The following DAB1 variants were observed in gnomAD, a reference collection of about 807,000 sequenced individuals.
The protein encoded by DAB1 is DAB adaptor protein 1.
In DAB1, 15 loss-of-function variants were observed where a neutral mutation model predicts 64.6. The ratio of observed to expected loss-of-function variants is 0.23; its 90% confidence interval spans 0.16 to 0.36. The LOEUF (loss-of-function observed/expected upper bound fraction) is 0.36, where lower values mean the gene tolerates loss of function less well. Among genes scored for constraint, DAB1 ranks in the 10% least tolerant of loss-of-function variants. The pLI is 1.00. For synonymous variants in DAB1, 235 were observed against 251.9 expected, an observed-to-expected ratio of 0.93 and a Z score of 0.64; for missense variants, 596 against 706.7, an observed-to-expected ratio of 0.84 and a Z score of 1.78.
intron 7 of DAB1, among the ~76,000 whole-genome samples, chr1:57,527,943 G>A (rs1030675139): frequency 2.6e-5 from 4 of 151,998 alleles, no homozygotes; most frequent in South Asian, 2.1e-4. Context: ...CTCATACAAC[G>A]AAAGATAATA....
chr1:57,788,645 G>C (rs927614), intron 6 of DAB1, among the ~76,000 whole-genome samples: 55,028 of 152,038 alleles, frequency 0.36, 10,263 homozygotes, highest in South Asian at 0.49. Context: ...ATGGACTCTA[G>C]AGTCAGGCAG....
At chr1:57,642,815 T>C (rs1646146249) in intron 7 of DAB1, among the ~76,000 whole-genome samples, 1 of 152,166 alleles carries the variant, frequency 6.6e-6, no homozygotes, top group East Asian at 1.9e-4. Context: ...CATTTTTTGT[T>C]CCATTTCATT....
At chr1:58,149,994 G>C (rs1654829808) in intron 5 of DAB1, among the ~76,000 whole-genome samples, 2 of 152,220 alleles carry the variant, frequency 1.3e-5, no homozygotes, top group Admixed American at 1.3e-4. Flanking sequence ...TACTCAAAAA[G>C]TAAGAGGGAG....
At chr1:57,841,752 T>C (rs1003281794) in intron 1 of DAB1, among the ~76,000 whole-genome samples, 1 of 152,160 alleles carries the variant, frequency 6.6e-6, no homozygotes, top group Non-Finnish European at 1.5e-5. Context: ...AAACCATTTT[T>C]CCCTCCTAGG....
chr1:58,003,534 G>T (rs1027668457), intron 5 of DAB1, among the ~76,000 whole-genome samples: 2 of 152,196 alleles, frequency 1.3e-5, no homozygotes, highest in African/African-American at 2.4e-5. Context: ...AACCCAGCTT[G>T]TTAGGACCCC....
intron 3 of DAB1, among the ~76,000 whole-genome samples, chr1:58,373,682 G>T (rs1438859178): frequency 6.6e-6 from 1 of 152,002 alleles, no homozygotes; most frequent in Non-Finnish European, 1.5e-5. Flanking sequence ...ATAGTCATTT[G>T]GGTATATACC....
chr1:58,334,644 A>G (rs1208712936), intron 4 of DAB1, among the ~76,000 whole-genome samples: 1 of 148,062 alleles, frequency 6.8e-6, no homozygotes, highest in East Asian at 2.0e-4. Flanking sequence ...ATCATATCAT[A>G]TCATATCATA....
intron 6 of DAB1, among the ~76,000 whole-genome samples, chr1:57,777,090 CTT>C (rs796627429): frequency 1.8e-5 from 2 of 111,644 alleles, no homozygotes; most frequent in African/African-American, 6.8e-5. Context: ...AGGTTGACAG[CTT>C]TTTTTTTTTT....
rs1005389732 is a variant in DAB1 at position 57,525,750 on chromosome 1, G to A, written n.625+123842C>T. On this transcript the variant is annotated intron_variant and non_coding_transcript_variant, in intron 7 of 20. Coordinates refer to the DAB1 transcript ENST00000485760. The stretch of plus-strand genomic sequence containing the variant: ...TTAACCACATTATTATTATATTATG[G>A]AACATAAAAATATACACCAGAAAGA... Among the ~76,000 whole-genome samples, 4 of 151,882 alleles carry A rather than the reference G, an allele frequency of 2.6e-5. No homozygotes were observed. In the South Asian group the frequency reaches 8.3e-4, roughly 32 times the overall value.
At chr1:57,755,222 T>A (rs61768389) in intron 6 of DAB1, among the ~76,000 whole-genome samples, 26,721 of 152,054 alleles carry the variant, frequency 0.18, 3,061 homozygotes, top group Admixed American at 0.29. Context: ...TGTCTAAAAA[T>A]CCCTGTTGGG....
At chr1:58,247,175 G>A (rs1660578124) in intron 4 of DAB1, among the ~76,000 whole-genome samples, 1 of 152,030 alleles carries the variant, frequency 6.6e-6, no homozygotes, top group Non-Finnish European at 1.5e-5. Context: ...GGAGGCTGGA[G>A]AGGAGAAGAT....
chr1:57,917,735 A>G (rs576620839), intron 5 of DAB1, among the ~76,000 whole-genome samples: 1 of 152,278 alleles, frequency 6.6e-6, no homozygotes, highest in African/African-American at 2.4e-5. Flanking sequence ...TAAAATGCTA[A>G]GTCAGGAGTT....
chr1:57,746,867 A>ATT (rs143589298), intron 6 of DAB1, among the ~76,000 whole-genome samples: 16 of 147,758 alleles, frequency 1.1e-4, no homozygotes, highest in Non-Finnish European at 2.2e-4. Flanking sequence ...TAAGAATACC[A>ATT]TTTTTTTTTT....
chr1:57,170,398 G>A (rs17115233), intron 2 of DAB1, among the ~76,000 whole-genome samples: 24,977 of 152,076 alleles, frequency 0.16, 3,009 homozygotes, highest in African/African-American at 0.34. Context: ...CAAAGTGTTT[G>A]GCACATAATA....
At chr1:58,515,883 T>G (rs1646150983) in intron 2 of DAB1, among the ~76,000 whole-genome samples, 1 of 152,370 alleles carries the variant, frequency 6.6e-6, no homozygotes, top group South Asian at 2.1e-4. Context: ...TTTCCTGCTC[T>G]AAAAGTCTAT....
intron 7 of DAB1, among the ~76,000 whole-genome samples, chr1:57,514,761 A>C (rs1329532986): frequency 6.6e-6 from 1 of 152,220 alleles, no homozygotes; most frequent in African/African-American, 2.4e-5. Flanking sequence ...CAGACTGTCT[A>C]GGTTCAAATG....
At chr1:58,030,186 G>A (rs1159536902) in intron 5 of DAB1, among the ~76,000 whole-genome samples, 1 of 152,074 alleles carries the variant, frequency 6.6e-6, no homozygotes, top group East Asian at 1.9e-4. Flanking sequence ...CAGCCTGGGT[G>A]ACAGAGTGAG....
intron 5 of DAB1, among the ~76,000 whole-genome samples, chr1:57,954,285 C>T (rs1485101273): frequency 6.6e-6 from 1 of 152,276 alleles, no homozygotes; most frequent in Non-Finnish European, 1.5e-5. Context: ...TACAGAAGCA[C>T]CAATCATAGG....
chr1:57,966,693 T>C (rs1645674736), intron 5 of DAB1, among the ~76,000 whole-genome samples: 1 of 152,222 alleles, frequency 6.6e-6, no homozygotes, highest in African/African-American at 2.4e-5. Context: ...AGGAGATTTT[T>C]TTTGATAATC....
Sources: gnomAD v4.1 joint callset for allele counts (sites outside exome capture counted in the v4.1 genomes callset) on GRCh38, gnomAD v4.1.1 for gene constraint, MANE v1.5 for transcripts, NCBI Gene and HGNC (gene_info 2026-07-23, HGNC 2026-07-21) for gene names.